Variants in HERC4 observed in about 807,000 individuals in gnomAD.
HERC4 encodes the protein HECT and RLD domain containing E3 ubiquitin protein ligase 4, also known as probable E3 ubiquitin-protein ligase HERC4.
A neutral mutation model predicts 124.3 loss-of-function variants in HERC4; 28 were observed. The observed-to-expected ratio is 0.23, with a 90% CI of 0.17 to 0.31. The LOEUF (loss-of-function observed/expected upper bound fraction) is 0.31. HERC4 is among the 10% of genes least tolerant of loss of function. The probability of loss-of-function intolerance (pLI) is 1.00; values close to 1 mark genes in which losing one functional copy is unlikely to be tolerated. For synonymous variants in HERC4, 407 were observed against 421.5 expected (o/e 0.97, Z 0.42); for missense variants, 713 against 1,229.3 (o/e 0.58, Z 6.28).
intron 9 of HERC4, among the ~76,000 whole-genome samples, chr10:67,995,467 T>C: frequency 6.6e-6 from 1 of 152,150 alleles, no homozygotes; most frequent in Non-Finnish European, 1.5e-5. Context: ...CTAAAGAGGG[T>C]AATAATTTTT....
chr10:67,994,203 T>G (rs965886866), intron 9 of HERC4: 1 of 152,212 alleles, frequency 6.6e-6, no homozygotes, highest in Non-Finnish European at 1.5e-5. Context: ...ATAAGCCAAT[T>G]ATTCAACCTA....
intron 23 of HERC4, among the ~76,000 whole-genome samples, chr10:67,925,847 C>T (rs186121195): frequency 2.2e-3 from 337 of 152,252 alleles, no homozygotes; most frequent in African/African-American, 7.8e-3. Flanking sequence ...CTGAGGCCTC[C>T]TGCCAACAGT....
At position 67,922,129 on chromosome 10, in the gene HERC4, T is replaced by C. The variant is rs1012760882; in HGVS notation, c.*802A>G. On this transcript the variant is annotated 3_prime_UTR_variant, in exon 25 of 25. Coordinates refer to ENST00000373700, the MANE Select transcript of HERC4 (RefSeq NM_015601.4). Reference sequence around the variant, plus strand: ...CTAAAGCACTGCAGCATCAATAATTTTGAAAGCTATAACCCAGTGATTGGT... The same window carrying C: ...CTAAAGCACTGCAGCATCAATAATTCTGAAAGCTATAACCCAGTGATTGGT... 3 of 152,166 alleles carry C rather than the reference T, an allele frequency of 2.0e-5. No homozygotes were observed. The highest frequency in any genetic ancestry group is 4.4e-5 in the Non-Finnish European group (3 of 68,004). The allele number at this position is 152,166 out of a possible 1,614,324, so 9.4% of individuals were successfully genotyped here.
chr10:67,946,230 A>T (rs575676621), intron 19 of HERC4, among the ~76,000 whole-genome samples: 1 of 151,940 alleles, frequency 6.6e-6, no homozygotes, highest in Non-Finnish European at 1.5e-5. Context: ...CCTGGGTGAC[A>T]GAGCAAGACC....
intron 15 of HERC4, among the ~76,000 whole-genome samples, chr10:67,980,363 C>A (rs2035856863): frequency 6.6e-6 from 1 of 152,020 alleles, no homozygotes; most frequent in South Asian, 2.1e-4. Context: ...GAACTCCCGA[C>A]CTCAGGTGAT....
At chr10:67,928,673 A>G (rs2031428486) in intron 23 of HERC4, among the ~76,000 whole-genome samples, 1 of 152,184 alleles carries the variant, frequency 6.6e-6, no homozygotes, top group Admixed American at 6.5e-5. Context: ...CTGTAATCCC[A>G]GCACTTTGGG....
intron 19 of HERC4, among the ~76,000 whole-genome samples, chr10:67,953,596 A>G (rs2033953798): frequency 6.6e-6 from 1 of 152,198 alleles, no homozygotes; most frequent in Non-Finnish European, 1.5e-5. Flanking sequence ...TGAAGACAAT[A>G]ACTGCAGTGA....
chr10:67,944,313 G>A (rs2033154872), intron 19 of HERC4, among the ~76,000 whole-genome samples: 1 of 152,214 alleles, frequency 6.6e-6, no homozygotes, highest in African/African-American at 2.4e-5. Context: ...ATAATCCAGA[G>A]GATTCTTCCA....
chr10:67,980,384 CA>C (rs1465350051), intron 15 of HERC4, among the ~76,000 whole-genome samples: 3 of 152,116 alleles, frequency 2.0e-5, no homozygotes, highest in Non-Finnish European at 4.4e-5. Flanking sequence ...ACACCCGCGT[CA>C]GTCTCCCAAA....
chr10:68,008,307 G>T (rs1030558819), intron 9 of HERC4, among the ~76,000 whole-genome samples: 3 of 152,204 alleles, frequency 2.0e-5, no homozygotes, highest in African/African-American at 7.2e-5. Flanking sequence ...GTCTATTGTT[G>T]ATGTTTATTC....
intron 13 of HERC4, 150 bp from the exon 14 acceptor site, chr10:67,990,550 CAA>C: frequency 2.0e-6 from 1 of 509,160 alleles, no homozygotes; most frequent in Non-Finnish European, 3.4e-6. Context: ...AAAAGAAAGA[CAA>C]TGTCTTACAA....
chr10:68,044,569 G>C lies in HERC4; in HGVS notation c.227-6C>G. On this transcript the variant is annotated splice_polypyrimidine_tract_variant and splice_region_variant and intron_variant, in intron 3 of 24. Coordinates refer to ENST00000373700, the MANE Select transcript of HERC4 (RefSeq NM_015601.4). The stretch of plus-strand genomic sequence containing the variant: ...ATCCAGGGCAACAACCTGCTCTACA[G>C]AAATCAAGAAGAGAAATATTGCATT... The C allele has an allele frequency of 6.2e-7, 1 of 1,611,160 alleles. No individual in the cohort carries two copies. Among genetic ancestry groups the C allele is most frequent in the Non-Finnish European group, 8.5e-7 (1 of 1,178,984 alleles).
intron 6 of HERC4, among the ~76,000 whole-genome samples, chr10:68,033,352 C>A (rs1008026062): frequency 6.6e-6 from 1 of 152,152 alleles, no homozygotes; most frequent in African/African-American, 2.4e-5. Context: ...CTTATCATTA[C>A]TAGTTGTTAC....
intron 9 of HERC4, among the ~76,000 whole-genome samples, chr10:67,996,848 C>T (rs539457636): frequency 6.6e-6 from 1 of 151,828 alleles, no homozygotes; most frequent in Non-Finnish European, 1.5e-5. Flanking sequence ...ATTAGCTGGG[C>T]GTGGCGGCAG....
At chr10:67,938,317 T>A (rs1443163446) in intron 21 of HERC4, among the ~76,000 whole-genome samples, 1 of 151,668 alleles carries the variant, frequency 6.6e-6, no homozygotes. Context: ...GGTGTGCACC[T>A]GTAGTCCCAG....
At chr10:67,992,807 G>C (rs1264373806) in intron 9 of HERC4, 125 bp from the exon 10 acceptor site, 1 of 593,582 alleles carries the variant, frequency 1.7e-6, no homozygotes, top group African/African-American at 1.9e-5. Context: ...GGACTTCATG[G>C]TATAAAGTGA....
At chr10:67,927,206 GAA>G (rs1418167837) in intron 23 of HERC4, among the ~76,000 whole-genome samples, 1 of 151,848 alleles carries the variant, frequency 6.6e-6, no homozygotes, top group Non-Finnish European at 1.5e-5. Flanking sequence ...AGTGGGGAAT[GAA>G]AAGAGGATGG....
intron 4 of HERC4, among the ~76,000 whole-genome samples, chr10:68,044,100 ATAG>A (rs914675633): frequency 2.0e-5 from 3 of 152,202 alleles, no homozygotes; most frequent in Non-Finnish European, 2.9e-5. Context: ...AATACTCAAG[ATAG>A]TAGTAGTTTA....
chr10:68,064,576 AAGAG>A (rs1554831829), intron 3 of HERC4, among the ~76,000 whole-genome samples: 5 of 150,582 alleles, frequency 3.3e-5, no homozygotes, highest in South Asian at 2.1e-4. Flanking sequence ...AAAAAAAAAA[AAGAG>A]AGAGAGAGAA....
Sources: allele counts gnomAD v4.1 joint callset (sites outside exome capture counted in the v4.1 genomes callset), GRCh38; gene constraint gnomAD v4.1.1; transcripts MANE v1.5; gene names NCBI Gene and HGNC (gene_info 2026-07-23, HGNC 2026-07-21).